The following AUTS2 variants were observed in gnomAD, a reference collection of about 807,000 sequenced individuals.
AUTS2 encodes autism susceptibility gene 2 protein.
AUTS2 carries 17 observed loss-of-function variants against 112.4 expected under a neutral mutation model. The observed-to-expected ratio is 0.15, with a 90% CI of 0.10 to 0.23. The LOEUF (loss-of-function observed/expected upper bound fraction) is 0.23. Among genes scored for constraint, AUTS2 ranks in the 10% least tolerant of loss-of-function variants. The pLI is 1.00. For synonymous variants in AUTS2, 751 were observed against 702.7 expected (o/e 1.07, Z -1.09); for missense variants, 1,510 against 1,701.6 (o/e 0.89, Z 1.98).
At chr7:70,704,562 C>T (rs545649292) in intron 6 of AUTS2, among the ~76,000 whole-genome samples, 6 of 152,248 alleles carry the variant, frequency 3.9e-5, no homozygotes, top group African/African-American at 1.4e-4. Context: ...TCATATTTAG[C>T]GTTTTGTGTA....
intron 5 of AUTS2, among the ~76,000 whole-genome samples, chr7:70,645,455 T>C (rs888344299): frequency 8.5e-5 from 13 of 152,102 alleles, no homozygotes; most frequent in African/African-American, 2.9e-4. Flanking sequence ...GATGGTCTGG[T>C]GCTGCAGCAG....
chr7:70,577,028 C>T (rs142360176), intron 5 of AUTS2, among the ~76,000 whole-genome samples: 4 of 152,294 alleles, frequency 2.6e-5, no homozygotes, highest in Admixed American at 2.6e-4. Flanking sequence ...ATATGCTCTG[C>T]AGATAGAGGC....
At chr7:70,438,436 G>C (rs1213874999) in intron 5 of AUTS2, among the ~76,000 whole-genome samples, 1 of 152,100 alleles carries the variant, frequency 6.6e-6, no homozygotes, top group African/African-American at 2.4e-5. Context: ...TTCTACTGTG[G>C]TGATCCTGCA....
At chr7:70,413,086 A>G (rs1472715995) in intron 4 of AUTS2, among the ~76,000 whole-genome samples, 1 of 152,204 alleles carries the variant, frequency 6.6e-6, no homozygotes, top group African/African-American at 2.4e-5. Flanking sequence ...CTGGGAGGAG[A>G]GCTGAGGAAC....
intron 5 of AUTS2, among the ~76,000 whole-genome samples, chr7:70,503,791 T>A (rs571384505): frequency 1.7e-4 from 25 of 150,788 alleles, no homozygotes; most frequent in South Asian, 1.3e-3. Context: ...AATGCTGAGA[T>A]TACAGGCGTG....
intron 5 of AUTS2, among the ~76,000 whole-genome samples, chr7:70,526,892 T>TAC (rs1799864389): frequency 6.6e-6 from 1 of 152,238 alleles, no homozygotes; most frequent in Non-Finnish European, 1.5e-5. Flanking sequence ...CAGTCAGCCT[T>TAC]ACACCCCAGC....
intron 4 of AUTS2, among the ~76,000 whole-genome samples, chr7:70,264,743 G>GA (rs1259282686): frequency 1.3e-5 from 2 of 152,150 alleles, no homozygotes; most frequent in Admixed American, 1.3e-4. Context: ...AGTTTTAGGG[G>GA]AATGTGTGCA....
At chr7:70,130,314 T>C (rs1306752059) in intron 3 of AUTS2, among the ~76,000 whole-genome samples, 1 of 152,208 alleles carries the variant, frequency 6.6e-6, no homozygotes, top group Non-Finnish European at 1.5e-5. Flanking sequence ...GGAGCACATC[T>C]ATTTTAGATG....
At chr7:69,824,560 G>C (rs1366511135) in intron 1 of AUTS2, 1 of 151,680 alleles carries the variant, frequency 6.6e-6, no homozygotes, top group Non-Finnish European at 1.5e-5. Flanking sequence ...CGCCGATCTT[G>C]GTTGGGCTTC....
chr7:69,708,156 C>T (rs1414006019), intron 1 of AUTS2, among the ~76,000 whole-genome samples: 2 of 152,158 alleles, frequency 1.3e-5, no homozygotes, highest in African/African-American at 2.4e-5. Context: ...TCAGAGAGGA[C>T]ACTGTGGTGT....
chr7:70,218,605 C>T (rs559861272), intron 4 of AUTS2, among the ~76,000 whole-genome samples: 1 of 152,272 alleles, frequency 6.6e-6, no homozygotes, highest in South Asian at 2.1e-4. Context: ...ATTTTTGTCT[C>T]AGCCTTCTAA....
chr7:70,572,206 G>A (rs973430771), intron 5 of AUTS2, among the ~76,000 whole-genome samples: 10 of 152,200 alleles, frequency 6.6e-5, no homozygotes, highest in African/African-American at 1.9e-4. Flanking sequence ...GGGCTTGGGC[G>A]GATGCCTGGC....
intron 1 of AUTS2, among the ~76,000 whole-genome samples, chr7:69,837,988 G>T (rs1271223180): frequency 6.6e-6 from 1 of 152,132 alleles, no homozygotes; most frequent in Non-Finnish European, 1.5e-5. Flanking sequence ...TTTCTCTCTT[G>T]ATGGCATGGA....
intron 1 of AUTS2, among the ~76,000 whole-genome samples, chr7:69,745,034 C>T (rs145577552): frequency 1.3e-5 from 2 of 152,226 alleles, no homozygotes; most frequent in Non-Finnish European, 2.9e-5. Context: ...CCCCCTGAGG[C>T]CTAGTTCTTA....
chr7:70,621,872 A>G (rs754213212), intron 5 of AUTS2, among the ~76,000 whole-genome samples: 4 of 106,914 alleles, frequency 3.7e-5, no homozygotes, highest in Non-Finnish European at 7.1e-5. Context: ...TTTTGGAGAA[A>G]TGGAGTCTCT....
chr7:69,883,456 A>C (rs973726668), intron 1 of AUTS2, among the ~76,000 whole-genome samples: 28 of 152,176 alleles, frequency 1.8e-4, no homozygotes, highest in African/African-American at 6.3e-4. Flanking sequence ...ATAAAACTGC[A>C]GGGTAGTACC....
chr7:70,032,942 A>G (rs1800846067), intron 2 of AUTS2, among the ~76,000 whole-genome samples: 1 of 152,140 alleles, frequency 6.6e-6, no homozygotes, highest in South Asian at 2.1e-4. Flanking sequence ...ATGACTGCAT[A>G]TGGTGTGACT....
intron 2 of AUTS2, among the ~76,000 whole-genome samples, chr7:70,031,460 A>G (rs561545795): frequency 6.6e-6 from 1 of 152,312 alleles, no homozygotes; most frequent in South Asian, 2.1e-4. Context: ...ATTTATCTAA[A>G]GATAGGCTGC....
At chr7:70,236,610 G>A (rs1382246277) in intron 4 of AUTS2, among the ~76,000 whole-genome samples, 1 of 152,166 alleles carries the variant, frequency 6.6e-6, no homozygotes, top group Non-Finnish European at 1.5e-5. Context: ...ACTGGTAGCT[G>A]TATCCCCTCT....
Sources: gnomAD v4.1 joint callset for allele counts (sites outside exome capture counted in the v4.1 genomes callset) on GRCh38, gnomAD v4.1.1 for gene constraint, MANE v1.5 for transcripts, NCBI Gene and HGNC (gene_info 2026-07-23, HGNC 2026-07-21) for gene names.